The following SLC35F1 variants were observed in gnomAD, a reference collection of about 807,000 sequenced individuals.
The protein encoded by SLC35F1 is chromosome 6 open reading frame 169.
A neutral mutation model predicts 48.7 loss-of-function variants in SLC35F1; 14 were observed. The observed-to-expected ratio is 0.29, with a 90% confidence interval of 0.19 to 0.45. The LOEUF is 0.45. Ranked by LOEUF, SLC35F1 falls within the 20% of genes least tolerant of loss-of-function variation. The probability of loss-of-function intolerance (pLI) is 1.00; values close to 1 mark genes in which losing one functional copy is unlikely to be tolerated. For synonymous variants in SLC35F1, 190 were observed against 202.2 expected, an observed-to-expected ratio of 0.94 and a Z score of 0.51; for missense variants, 404 against 500.0, an observed-to-expected ratio of 0.81 and a Z score of 1.83.
At chr6:118,148,665 T>C (rs1030391607) in intron 1 of SLC35F1, among the ~76,000 whole-genome samples, 6 of 152,194 alleles carry the variant, frequency 3.9e-5, no homozygotes, top group African/African-American at 1.4e-4. Context: ...CTCCTCTCCA[T>C]TTCTGCCACT....
intron 1 of SLC35F1, among the ~76,000 whole-genome samples, chr6:118,061,357 T>A (rs1352315972): frequency 1.3e-5 from 2 of 152,166 alleles, no homozygotes; most frequent in Non-Finnish European, 2.9e-5. Context: ...GTACAACCTA[T>A]TTGGCCCCAG....
At chr6:118,162,981 G>A (rs143501741) in intron 2 of SLC35F1, among the ~76,000 whole-genome samples, 2,898 of 149,464 alleles carry the variant, frequency 0.019, 99 homozygotes, top group African/African-American at 0.064. Context: ...TTTTTGAGGC[G>A]GGGTCTCACT....
At chr6:118,246,824 T>C (rs1219436797) in intron 3 of SLC35F1, among the ~76,000 whole-genome samples, 1 of 152,170 alleles carries the variant, frequency 6.6e-6, no homozygotes, top group Non-Finnish European at 1.5e-5. Flanking sequence ...TTCTATGATT[T>C]TTATCCTGCC....
intron 7 of SLC35F1, among the ~76,000 whole-genome samples, chr6:118,286,698 G>T (rs1776052787): frequency 6.6e-6 from 1 of 151,910 alleles, no homozygotes; most frequent in Non-Finnish European, 1.5e-5. Context: ...CATGATTTTT[G>T]GATGTATGTA....
At chr6:118,053,007 CT>C (rs1350701891) in intron 1 of SLC35F1, among the ~76,000 whole-genome samples, 1 of 151,666 alleles carries the variant, frequency 6.6e-6, no homozygotes, top group Non-Finnish European at 1.5e-5. Flanking sequence ...TTATCATTAA[CT>C]TTGATGAGGT....
chr6:118,173,814 G>A (rs1190247777), intron 2 of SLC35F1, among the ~76,000 whole-genome samples: 1 of 152,158 alleles, frequency 6.6e-6, no homozygotes, highest in East Asian at 1.9e-4. Flanking sequence ...GGACTGGAGA[G>A]CAAAGAGAAG....
At chr6:118,049,643 T>C (rs943908874) in intron 1 of SLC35F1, among the ~76,000 whole-genome samples, 3 of 151,350 alleles carry the variant, frequency 2.0e-5, no homozygotes, top group Non-Finnish European at 1.5e-5. Flanking sequence ...ATCAGAGAAA[T>C]GCAAATCAAA....
At chr6:118,112,774 C>A (rs111862156) in intron 1 of SLC35F1, among the ~76,000 whole-genome samples, 2 of 151,834 alleles carry the variant, frequency 1.3e-5, no homozygotes, top group Non-Finnish European at 2.9e-5. Context: ...TGCTTAAAAC[C>A]GAAGAAGCCA....
At position 118,260,067 on chromosome 6, in the gene SLC35F1, G is replaced by C; in HGVS notation, c.478-6928G>C. On this transcript the variant is annotated intron_variant, in intron 3 of 7. Coordinates refer to ENST00000360388, the MANE Select transcript of SLC35F1 (RefSeq NM_001029858.4). ...TAAAAAGGAATGAGGTGTGATACAT[G>C]AACAACATGGATGAACCATGAAAAC... 1.3e-5 allele frequency among the ~76,000 whole-genome samples: 2 copies of C among 152,120 alleles called. 1 individual carries two copies.
intron 1 of SLC35F1, among the ~76,000 whole-genome samples, chr6:117,994,803 A>G (rs1264534432): frequency 6.6e-6 from 1 of 152,236 alleles, no homozygotes; most frequent in Non-Finnish European, 1.5e-5. Context: ...CCAAAAAGCT[A>G]TGACAGATAA....
intron 2 of SLC35F1, among the ~76,000 whole-genome samples, chr6:118,229,354 A>G (rs1775259738): frequency 6.6e-6 from 1 of 152,230 alleles, no homozygotes; most frequent in Admixed American, 6.5e-5. Context: ...GTGATGGGAC[A>G]CATTCTGATC....
intron 1 of SLC35F1, among the ~76,000 whole-genome samples, chr6:117,962,528 G>A (rs1776511735): frequency 6.6e-6 from 1 of 152,042 alleles, no homozygotes; most frequent in South Asian, 2.1e-4. Context: ...ATGTAAAACC[G>A]TGGGGTCTTA....
At chr6:118,069,516 A>C (rs779570802) in intron 1 of SLC35F1, among the ~76,000 whole-genome samples, 17 of 152,278 alleles carry the variant, frequency 1.1e-4, no homozygotes, top group Non-Finnish European at 2.1e-4. Context: ...GTTCTACTAA[A>C]GTTCCCTAGG....
intron 1 of SLC35F1, among the ~76,000 whole-genome samples, chr6:118,014,133 C>G (rs1194752546): frequency 1.3e-5 from 2 of 152,170 alleles, no homozygotes; most frequent in African/African-American, 4.8e-5. Context: ...ATTTTCCTTA[C>G]TTGCAAAATG....
chr6:117,937,704 T>C (rs1207643470), intron 1 of SLC35F1, among the ~76,000 whole-genome samples: 1 of 152,212 alleles, frequency 6.6e-6, no homozygotes, highest in Non-Finnish European at 1.5e-5. Flanking sequence ...GGAAAAATAC[T>C]GCTGCTTTTA....
At chr6:118,107,987 T>A (rs2114377299) in intron 1 of SLC35F1, among the ~76,000 whole-genome samples, 1 of 152,246 alleles carries the variant, frequency 6.6e-6, no homozygotes, top group African/African-American at 2.4e-5. Context: ...ACAAGAAAAC[T>A]TCAGATCCTA....
chr6:118,274,732 GA>G (rs1229618162), intron 4 of SLC35F1, among the ~76,000 whole-genome samples: 2 of 152,150 alleles, frequency 1.3e-5, no homozygotes, highest in Non-Finnish European at 2.9e-5. Context: ...AATTTTTAAT[GA>G]AAAAATATTA....
chr6:118,159,883 A>G (rs1255922609), intron 2 of SLC35F1, among the ~76,000 whole-genome samples: 2 of 152,324 alleles, frequency 1.3e-5, no homozygotes, highest in African/African-American at 2.4e-5. Context: ...TTCCTCTTTT[A>G]GCAGTTTTTA....
rs570034683 is a variant in SLC35F1, at chr6:118,135,171, A to G, written c.174-19274A>G. ...CCTTACATCCGATCTTTAGTGTACA[A>G]GTACACTCAGGACACACAAGTCCAC... On this transcript the variant is annotated intron_variant, in intron 1 of 7. Coordinates refer to ENST00000360388, the MANE Select transcript of SLC35F1 (RefSeq NM_001029858.4). 7.2e-5 allele frequency among the ~76,000 whole-genome samples: 11 copies of G among 152,292 alleles called. No homozygotes were observed. In the South Asian group the frequency reaches 2.1e-3, roughly 29 times the overall value.
Sources: allele counts gnomAD v4.1 joint callset (sites outside exome capture counted in the v4.1 genomes callset), GRCh38; gene constraint gnomAD v4.1.1; transcripts MANE v1.5; gene names NCBI Gene and HGNC (gene_info 2026-07-23, HGNC 2026-07-21).